The following TMOD1 variants were observed in gnomAD, a reference collection of about 807,000 sequenced individuals.
TMOD1 encodes tropomodulin 1.
Under a neutral mutation model 40.6 loss-of-function variants are expected in TMOD1, and 17 were observed. That is an observed-to-expected ratio of 0.42 (90% confidence interval 0.29 to 0.63). The LOEUF is 0.63. Ranked by LOEUF, TMOD1 falls within the 20% of genes least tolerant of loss-of-function variation. The probability of loss-of-function intolerance (pLI) is 0.22; values close to 1 mark genes in which losing one functional copy is unlikely to be tolerated. For missense variants in TMOD1, 391 were observed against 447.6 expected (o/e 0.87, Z 1.14); for synonymous variants, 181 against 175.0 (o/e 1.03, Z -0.27).
At chr9:97,516,476 C>T (rs572646447) in intron 1 of TMOD1, 11 of 152,896 alleles carry the variant, frequency 7.2e-5, no homozygotes, top group African/African-American at 2.6e-4. Context: ...GCAGTTGGAG[C>T]TTGGGAAGCA....
At chr9:97,584,231 T>A (rs1354713602) in intron 8 of TMOD1, among the ~76,000 whole-genome samples, 1 of 152,228 alleles carries the variant, frequency 6.6e-6, no homozygotes, top group East Asian at 1.9e-4. Flanking sequence ...AAAGAACAAC[T>A]TTATTTCTGC....
intron 8 of TMOD1, among the ~76,000 whole-genome samples, chr9:97,576,299 G>A (rs1587954118): frequency 6.6e-6 from 1 of 152,044 alleles, no homozygotes; most frequent in East Asian, 1.9e-4. Context: ...AAGGAAATTA[G>A]CCAGACATGG....
intron 2 of TMOD1, among the ~76,000 whole-genome samples, chr9:97,537,110 C>T (rs935297847): frequency 2.6e-5 from 4 of 152,112 alleles, no homozygotes; most frequent in African/African-American, 9.7e-5. Flanking sequence ...TGACTTTGGG[C>T]CAGTGACTTC....
chr9:97,502,265 A>G lies in TMOD1; in HGVS notation c.-49+462A>G, dbSNP rs1306630352. Among the ~76,000 whole-genome samples the G allele has an allele frequency of 6.6e-6, 1 of 152,096 alleles. No individual in the cohort carries two copies. On this transcript the variant is annotated intron_variant, in intron 1 of 9. Coordinates refer to ENST00000259365, the MANE Select transcript of TMOD1 (RefSeq NM_003275.4). This position sits in a 1 kb window ranked among gnomAD's most constrained non-coding sequence, Gnocchi z 6.1. Reference sequence around the variant, plus strand: ...GGGGCGCGGCCTCTTCTCCGCCTGCAAGAGTCTGGGGGTGGGAGTGGGGGA... The same window carrying G: ...GGGGCGCGGCCTCTTCTCCGCCTGCGAGAGTCTGGGGGTGGGAGTGGGGGA...
At chr9:97,597,696 C>CAAAAA (rs56273168) in intron 9 of TMOD1, among the ~76,000 whole-genome samples, 1,981 of 69,994 alleles carry the variant, frequency 0.028, 258 homozygotes, top group African/African-American at 0.12. Context: ...GACTCCGTCT[C>CAAAAA]AAAAAAAAAA....
Position 97,599,748 on chromosome 9 carries a change from AC to A in TMOD1, c.*52del. 2 of 1,613,388 alleles carry A rather than the reference AC, an allele frequency of 1.2e-6. No homozygotes were observed. Among genetic ancestry groups the A allele is most frequent in the South Asian group, 1.1e-5 (1 of 91,022 alleles). On this transcript the variant is annotated 3_prime_UTR_variant, in exon 10 of 10. Coordinates refer to ENST00000259365, the MANE Select transcript of TMOD1 (RefSeq NM_003275.4). ...TTGAACTGGATGTGTTCTATTGATG[AC>A]CTGTGCTCTGCAGGGGAAACCAGAA...
intron 8 of TMOD1, among the ~76,000 whole-genome samples, chr9:97,580,943 CTTTTT>C (rs34253873): frequency 7.3e-6 from 1 of 136,462 alleles, no homozygotes; most frequent in Non-Finnish European, 1.6e-5. Context: ...TTTGGACTGG[CTTTTT>C]TTTTTTCACT....
At chr9:97,522,683 T>C (rs1829936107) in intron 1 of TMOD1, among the ~76,000 whole-genome samples, 1 of 152,046 alleles carries the variant, frequency 6.6e-6, no homozygotes, top group Admixed American at 6.6e-5. Flanking sequence ...CACCTCAGCC[T>C]TCTGAGTAGC....
chr9:97,535,652 G>A (rs190909235), intron 2 of TMOD1, among the ~76,000 whole-genome samples: 28 of 152,372 alleles, frequency 1.8e-4, no homozygotes, highest in Middle Eastern at 3.4e-3. Context: ...TGCACATGAG[G>A]CAGGAAAGGA....
chr9:97,590,307 T>C (rs867855673), intron 8 of TMOD1, among the ~76,000 whole-genome samples: 73 of 152,232 alleles, frequency 4.8e-4, no homozygotes, highest in African/African-American at 1.6e-3. Context: ...CGCTGCAAAC[T>C]CTGCCTCCCG....
intron 1 of TMOD1, among the ~76,000 whole-genome samples, chr9:97,522,414 C>A (rs575201344): frequency 6.6e-6 from 1 of 152,260 alleles, no homozygotes; most frequent in Non-Finnish European, 1.5e-5. Flanking sequence ...CCCACTCTAT[C>A]CAGTAAGACC....
chr9:97,595,317 C>T (rs1438345760), intron 9 of TMOD1, among the ~76,000 whole-genome samples: 7 of 152,134 alleles, frequency 4.6e-5, no homozygotes, highest in African/African-American at 9.7e-5. Flanking sequence ...CTTTATAAAA[C>T]ACCTTATTCC....
At chr9:97,555,334 T>G in intron 4 of TMOD1, 1 of 1,185,692 alleles carries the variant, frequency 8.4e-7, no homozygotes, top group Non-Finnish European at 1.0e-6. Flanking sequence ...TGGGGCTGTT[T>G]TTACCCTGGA....
intron 1 of TMOD1, chr9:97,517,610 T>C (rs2131215936): frequency 6.6e-6 from 1 of 152,228 alleles, no homozygotes; most frequent in Admixed American, 6.5e-5. Context: ...ATAGACACCA[T>C]CTGAGTGTCC....
intron 4 of TMOD1, among the ~76,000 whole-genome samples, chr9:97,562,356 C>T (rs1830653824): frequency 6.6e-6 from 1 of 152,108 alleles, no homozygotes; most frequent in Non-Finnish European, 1.5e-5. Flanking sequence ...GTCAAATGGG[C>T]TTATGGGGAG....
chr9:97,539,749 G>A (rs1433083384), intron 2 of TMOD1, among the ~76,000 whole-genome samples: 2 of 152,076 alleles, frequency 1.3e-5, no homozygotes, highest in East Asian at 1.9e-4. Context: ...GGCGGATCAC[G>A]AGGTCAGGAG....
intron 2 of TMOD1, among the ~76,000 whole-genome samples, chr9:97,534,480 A>G (rs554872315): frequency 2.1e-4 from 32 of 152,336 alleles, no homozygotes; most frequent in African/African-American, 7.7e-4. Flanking sequence ...CAACTCTGAC[A>G]TCTTTCATAA....
At chr9:97,512,850 G>A (rs1231902045) in intron 1 of TMOD1, 2 of 152,068 alleles carry the variant, frequency 1.3e-5, no homozygotes, top group Admixed American at 6.6e-5. Flanking sequence ...GAAATGTTTA[G>A]TATCTTCATT....
chr9:97,554,118 G>A (rs1204798064), intron 4 of TMOD1, among the ~76,000 whole-genome samples: 2 of 151,962 alleles, frequency 1.3e-5, no homozygotes, highest in African/African-American at 4.8e-5. Context: ...CTCTGATCCA[G>A]GGAGTGGGTG....
Sources: allele counts gnomAD v4.1 joint callset (sites outside exome capture counted in the v4.1 genomes callset), GRCh38; gene constraint gnomAD v4.1.1; non-coding constraint Gnocchi (gnomAD v3.1); transcripts MANE v1.5; gene names NCBI Gene and HGNC (gene_info 2026-07-23, HGNC 2026-07-21).